The following MYO1D variants were observed in gnomAD, a reference collection of about 807,000 sequenced individuals.
MYO1D encodes myosin ID, also known as unconventional myosin-Id.
In MYO1D, 83 loss-of-function variants were observed where a neutral mutation model predicts 122.0. That is an observed-to-expected ratio of 0.68 (90% CI 0.57 to 0.82). The LOEUF (loss-of-function observed/expected upper bound fraction) is 0.82. MYO1D is among the 40% of genes least tolerant of loss of function. The pLI is 0.00. For synonymous variants in MYO1D, 464 were observed against 446.9 expected (o/e 1.04, Z -0.48); for missense variants, 1,157 against 1,269.5 (o/e 0.91, Z 1.35).
At position 32,867,951 on chromosome 17, in the gene MYO1D, A is replaced by G. The variant is rs12601824; in HGVS notation, c.95+8827T>C. ...AAAAAAAACTCTAGACTTAAAGTCT[A>G]TTACCTAGCAATAGTGCCTAGATGT... On this transcript the variant is annotated intron_variant, in intron 1 of 21. Coordinates refer to ENST00000318217, the MANE Select transcript of MYO1D (RefSeq NM_015194.3). 2.6e-5 allele frequency among the ~76,000 whole-genome samples: 4 copies of G among 151,764 alleles called. No individual in the cohort carries two copies. The East Asian group carries it at 5.8e-4, about 22-fold the overall frequency.
intron 1 of MYO1D, among the ~76,000 whole-genome samples, chr17:32,789,940 T>C (rs1384038866): frequency 6.6e-6 from 1 of 152,238 alleles, no homozygotes; most frequent in East Asian, 1.9e-4. Flanking sequence ...CCCTGGTTTG[T>C]GGTAATTTGT....
In MYO1D at chr17:32,866,422, C is replaced by G. The variant is rs997846059; in HGVS notation, c.95+10356G>C. 2.0e-5 allele frequency among the ~76,000 whole-genome samples: 3 copies of G among 152,232 alleles called. No individual in the cohort carries two copies. The South Asian group carries it at 6.2e-4, about 32-fold the overall frequency. On this transcript the variant is annotated intron_variant, in intron 1 of 21. Transcript: ENST00000318217. ...TCCCCAAGAATGAACTAACCTTATA[C>G]TACCTGCTGCCCGTCCCTTCCCACA...
intron 19 of MYO1D, among the ~76,000 whole-genome samples, chr17:32,648,683 G>T (rs1290620097): frequency 6.6e-6 from 1 of 152,202 alleles, no homozygotes; most frequent in Non-Finnish European, 1.5e-5. Flanking sequence ...AAATTATGGG[G>T]TTTGGAGAGC....
chr17:32,686,519 A>T (rs1022353079), intron 16 of MYO1D: 2 of 152,204 alleles, frequency 1.3e-5, no homozygotes, highest in African/African-American at 4.8e-5. Flanking sequence ...CAGCCTTAGG[A>T]CACTAACGCA....
intron 16 of MYO1D, among the ~76,000 whole-genome samples, chr17:32,703,437 G>C (rs1250789923): frequency 4.0e-5 from 6 of 150,552 alleles, no homozygotes; most frequent in Non-Finnish European, 8.9e-5. Flanking sequence ...TATAAATTTT[G>C]ATCCCTTTTG....
At chr17:32,712,970 T>A (rs1685473041) in intron 15 of MYO1D, among the ~76,000 whole-genome samples, 1 of 152,174 alleles carries the variant, frequency 6.6e-6, no homozygotes, top group Non-Finnish European at 1.5e-5. Flanking sequence ...GGAAGGGGAT[T>A]ACACAGGGCA....
chr17:32,786,458 G>A (rs566057209), intron 1 of MYO1D, among the ~76,000 whole-genome samples: 1 of 152,340 alleles, frequency 6.6e-6, no homozygotes, highest in South Asian at 2.1e-4. Context: ...GACAGGGAAT[G>A]AGCAGCAGAC....
At chr17:32,791,361 C>T (rs1259738723) in intron 1 of MYO1D, among the ~76,000 whole-genome samples, 1 of 100,916 alleles carries the variant, frequency 9.9e-6, no homozygotes, top group Non-Finnish European at 1.8e-5. Context: ...GAGACTCCGT[C>T]TCAAAAAAAA....
intron 16 of MYO1D, among the ~76,000 whole-genome samples, chr17:32,685,105 A>G (rs1567948310): frequency 6.6e-6 from 1 of 152,132 alleles, no homozygotes; most frequent in Non-Finnish European, 1.5e-5. Context: ...TCTCTCTCTT[A>G]AAGTCAACAA....
At chr17:32,737,735 G>C (rs1345778888) in intron 14 of MYO1D, among the ~76,000 whole-genome samples, 1 of 152,102 alleles carries the variant, frequency 6.6e-6, no homozygotes, top group Non-Finnish European at 1.5e-5. Context: ...CAAAGTGCTG[G>C]GATTACAGGC....
chr17:32,515,861 C>T (rs373988515), intron 21 of MYO1D, among the ~76,000 whole-genome samples: 1 of 152,158 alleles, frequency 6.6e-6, no homozygotes, highest in East Asian at 1.9e-4. Context: ...CTTTCTACCA[C>T]CTGTTTGAGA....
intron 21 of MYO1D, among the ~76,000 whole-genome samples, chr17:32,506,941 A>G (rs1909521507): frequency 6.6e-6 from 1 of 152,200 alleles, no homozygotes; most frequent in Admixed American, 6.5e-5. Flanking sequence ...TGATTGTGCC[A>G]TTGCACTCCA....
intron 21 of MYO1D, among the ~76,000 whole-genome samples, chr17:32,496,688 C>A (rs960883902): frequency 6.6e-6 from 1 of 152,000 alleles, no homozygotes; most frequent in Non-Finnish European, 1.5e-5. Flanking sequence ...CGTTGGGTCC[C>A]TCTCACTGGA....
chr17:32,560,098 A>G (rs1043188957), intron 21 of MYO1D, among the ~76,000 whole-genome samples: 48 of 152,170 alleles, frequency 3.2e-4, no homozygotes, highest in Non-Finnish European at 7.3e-5. Flanking sequence ...TCTACTAAAA[A>G]TACAAAATTA....
At chr17:32,580,701 T>C (rs2087330230) in intron 21 of MYO1D, among the ~76,000 whole-genome samples, 1 of 152,070 alleles carries the variant, frequency 6.6e-6, no homozygotes, top group Non-Finnish European at 1.5e-5. Flanking sequence ...GAGCCACTGC[T>C]CCCGGACTAT....
intron 20 of MYO1D, among the ~76,000 whole-genome samples, chr17:32,633,976 A>C (rs2088061363): frequency 6.6e-6 from 1 of 152,166 alleles, no homozygotes; most frequent in South Asian, 2.1e-4. Flanking sequence ...ACTTTTCCCC[A>C]TTGGAATGTA....
At chr17:32,646,075 G>A (rs982395761) in intron 19 of MYO1D, among the ~76,000 whole-genome samples, 8 of 152,080 alleles carry the variant, frequency 5.3e-5, no homozygotes, top group Admixed American at 4.6e-4. Context: ...GTACAGATGG[G>A]GTTTTGGTGT....
At chr17:32,865,106 A>G (rs972319930) in intron 1 of MYO1D, among the ~76,000 whole-genome samples, 1 of 152,252 alleles carries the variant, frequency 6.6e-6, no homozygotes, top group African/African-American at 2.4e-5. Flanking sequence ...TGACCTAAAT[A>G]TCTGTAAAAC....
chr17:32,762,432 TC>T lies in MYO1D; in HGVS notation c.1036-1806del, dbSNP rs142281015. On this transcript the variant is annotated intron_variant, in intron 8 of 21. Transcript: ENST00000318217. ...CAGTCCATTTCAAATCATCCTCCTC[TC>T]CCCATTTGTACTTTCACTTTTCTGA... Among the ~76,000 whole-genome samples, 1,295 of 152,278 alleles carry T rather than the reference TC, an allele frequency of 8.5e-3. 10 individuals carry two copies. Among genetic ancestry groups the T allele is most frequent in the Non-Finnish European group, 0.012 (847 of 68,004 alleles).
Sources: gnomAD v4.1 joint callset for allele counts (sites outside exome capture counted in the v4.1 genomes callset) on GRCh38, gnomAD v4.1.1 for gene constraint, MANE v1.5 for transcripts, NCBI Gene and HGNC (gene_info 2026-07-23, HGNC 2026-07-21) for gene names.